The following TAAR5 variants were observed in gnomAD, a reference collection of about 807,000 sequenced individuals.
TAAR5 encodes trace amine-associated receptor 5.
TAAR5 carries 27 observed loss-of-function variants against 21.1 expected under a neutral mutation model. The observed-to-expected ratio is 1.28, with a 90% CI of 0.94 to 1.76. The LOEUF is 1.76. Among genes scored for constraint, TAAR5 ranks in the 40% most tolerant of loss-of-function variants. TAAR5 has a pLI of 0.00. For synonymous variants in TAAR5, 203 were observed against 167.5 expected, an observed-to-expected ratio of 1.21 and a Z score of -1.64; for missense variants, 495 against 405.6, an observed-to-expected ratio of 1.22 and a Z score of -1.89.
the TAAR5 span, among the ~76,000 whole-genome samples, chr6:132,595,787 G>A: frequency 7.9e-5 from 12 of 152,174 alleles, no homozygotes; most frequent in East Asian, 7.7e-4. Flanking sequence ...TTCCTGTCTC[G>A]CTTATATTGG....
chr6:132,602,247 TG>T, the TAAR5 span, among the ~76,000 whole-genome samples: 1 of 152,204 alleles, frequency 6.6e-6, no homozygotes, highest in South Asian at 2.1e-4. Flanking sequence ...ATATTTATTG[TG>T]CACTTTATTT....
Position 132,588,703 on chromosome 6 carries a change from C to T in TAAR5, c.984G>A (p.Gln328=). The part of the protein sequence containing the change: ...LTLSQKVFSP[Q]TRTVDLYQE Reference sequence around the variant, plus strand: ...CTTGGTACAAATCAACAGTGCGTGTCTGCGGTGAGAAGACCTTCTGGCTCA... The same window carrying T: ...CTTGGTACAAATCAACAGTGCGTGTTTGCGGTGAGAAGACCTTCTGGCTCA... Residue 328 remains glutamine (Q), a synonymous_variant, in exon 1 of 1, where the codon CAG becomes CAA. Coordinates refer to ENST00000258034, the MANE Select transcript of TAAR5 (RefSeq NM_003967.3). 3 of 1,613,712 alleles carry T rather than the reference C, an allele frequency of 1.9e-6. No individual in the cohort carries two copies. The highest frequency in any genetic ancestry group is 2.5e-6 in the Non-Finnish European group (3 of 1,179,826).
At chr6:132,608,997 C>T in the TAAR5 span, 1 of 455,860 alleles carries the variant, frequency 2.2e-6, no homozygotes, top group African/African-American at 2.0e-5. Flanking sequence ...ACCAGCAACT[C>T]TCCACTGATC....
chr6:132,598,658 T>C, the TAAR5 span, among the ~76,000 whole-genome samples: 33 of 152,320 alleles, frequency 2.2e-4, no homozygotes, highest in African/African-American at 7.9e-4. Context: ...GTGTCCTATG[T>C]CCTGCTTTTG....
At chr6:132,590,649 T>C, upstream of TAAR5, among the ~76,000 whole-genome samples, 1 of 152,220 alleles carries the variant, frequency 6.6e-6, no homozygotes, top group East Asian at 1.9e-4. Flanking sequence ...CCATGTGCTA[T>C]GATACAAATA....
At chr6:132,593,467 C>T (rs1018366463), upstream of TAAR5, among the ~76,000 whole-genome samples, 1 of 152,144 alleles carries the variant, frequency 6.6e-6, no homozygotes, top group Admixed American at 6.5e-5. Context: ...TTACCATTCC[C>T]CCTGAGATAA....
the TAAR5 span, among the ~76,000 whole-genome samples, chr6:132,607,041 A>G: frequency 5.3e-5 from 8 of 151,986 alleles, 1 homozygote; most frequent in Admixed American, 5.2e-4. Context: ...ACTAAACTAC[A>G]AAAGGTTGCC....
At position 132,589,543 on chromosome 6, in the gene TAAR5, G is replaced by C. The variant is rs117859520; in HGVS notation, c.144C>G (p.Ile48Met). Reference sequence around the variant, plus strand: ...ATGCCACAAATACATTCCCTAGCACGATAATCAGCATGCCTGCTGCACAGG... The same window carrying C: ...ATGCCACAAATACATTCCCTAGCACCATAATCAGCATGCCTGCTGCACAGG... ...YLACAAGMLI[I>M]VLGNVFVAFA... The change falls in exon 1 of 1, where the codon ATC becomes ATG. Residue 48 changes from isoleucine to methionine, a missense_variant. Physicochemically the swap from Ile to Met is conservative, Grantham distance 10. Coordinates refer to ENST00000258034, the MANE Select transcript of TAAR5 (RefSeq NM_003967.3). 2.9e-5 allele frequency: 46 copies of C among 1,613,918 alleles called. No individual in the cohort carries two copies. The East Asian group carries it at 1.0e-3, about 36-fold the overall frequency.
upstream of TAAR5, among the ~76,000 whole-genome samples, chr6:132,594,219 G>T (rs193271637): frequency 1.2e-4 from 19 of 152,180 alleles, no homozygotes; most frequent in African/African-American, 2.9e-4. Context: ...GAAATGGACC[G>T]CTTTGGTAGC....
the TAAR5 span, chr6:132,609,168 C>A: frequency 8.0e-6 from 3 of 373,426 alleles, no homozygotes; most frequent in South Asian, 2.0e-5. Flanking sequence ...CCAGTCATAA[C>A]CGAATACATT....
At chr6:132,599,788 G>A in the TAAR5 span, among the ~76,000 whole-genome samples, 937 of 152,212 alleles carry the variant, frequency 6.2e-3, 3 homozygotes, top group Middle Eastern at 0.027. Context: ...ATGCTCATCT[G>A]GGTTTATAAA....
the TAAR5 span, among the ~76,000 whole-genome samples, chr6:132,615,146 CTG>C: frequency 9.1e-3 from 1,380 of 152,108 alleles, 14 homozygotes; most frequent in Admixed American, 0.037. Context: ...ACAGGCATCT[CTG>C]TGTGTTTTTA....
the TAAR5 span, chr6:132,608,842 G>A: frequency 2.2e-6 from 1 of 455,982 alleles, no homozygotes; most frequent in South Asian, 1.5e-5. Context: ...CTTTATGGTG[G>A]AGTTCGTCAT....
chr6:132,590,762 G>C (rs916624725), upstream of TAAR5, among the ~76,000 whole-genome samples: 1 of 152,160 alleles, frequency 6.6e-6, no homozygotes, highest in African/African-American at 2.4e-5. Flanking sequence ...CAATTAATTA[G>C]AGATAAAATT....
the TAAR5 span, chr6:132,608,913 G>A: frequency 2.2e-6 from 1 of 455,872 alleles, no homozygotes; most frequent in Non-Finnish European, 4.4e-6. Flanking sequence ...CAATGGAACA[G>A]AGGTGGAAAA....
the TAAR5 span, among the ~76,000 whole-genome samples, chr6:132,611,563 A>G: frequency 2.1e-4 from 32 of 152,200 alleles, no homozygotes; most frequent in Non-Finnish European, 3.7e-4. Context: ...AATATGTACA[A>G]CTATTATGTA....
At chr6:132,611,140 A>G in the TAAR5 span, among the ~76,000 whole-genome samples, 1 of 152,094 alleles carries the variant, frequency 6.6e-6, no homozygotes, top group Non-Finnish European at 1.5e-5. Flanking sequence ...ACTGGAGGAC[A>G]ATATGTTAGT....
the TAAR5 span, among the ~76,000 whole-genome samples, chr6:132,599,640 C>G: frequency 6.6e-6 from 1 of 152,086 alleles, no homozygotes; most frequent in African/African-American, 2.4e-5. Flanking sequence ...AAAGCTTGCT[C>G]TTGTAGAAAT....
chr6:132,599,106 A>G, the TAAR5 span, among the ~76,000 whole-genome samples: 1 of 152,166 alleles, frequency 6.6e-6, no homozygotes, highest in African/African-American at 2.4e-5. Flanking sequence ...CTAAACGCAA[A>G]AAGAACAAGG....
Sources: allele counts gnomAD v4.1 joint callset (sites outside exome capture counted in the v4.1 genomes callset), GRCh38; gene constraint gnomAD v4.1.1; transcripts MANE v1.5; gene names NCBI Gene and HGNC (gene_info 2026-07-23, HGNC 2026-07-21).